TRPM3: variants seen among roughly 807,000 people sequenced by gnomAD.
The protein encoded by TRPM3 is long transient receptor potential channel 3.
In TRPM3, 77 loss-of-function variants were observed where a neutral mutation model predicts 181.2. The ratio of observed to expected loss-of-function variants is 0.42; its 90% confidence interval spans 0.35 to 0.51. The LOEUF (loss-of-function observed/expected upper bound fraction) is 0.51, where lower values mean the gene tolerates loss of function less well. Among genes scored for constraint, TRPM3 ranks in the 20% least tolerant of loss-of-function variants. The pLI is 0.01. For synonymous variants in TRPM3, 745 were observed against 796.4 expected (o/e 0.94, Z 1.09); for missense variants, 1,759 against 2,196.7 (o/e 0.80, Z 3.98).
intron 1 of TRPM3, among the ~76,000 whole-genome samples, chr9:70,884,518 G>T (rs1051781257): frequency 6.6e-6 from 1 of 152,184 alleles, no homozygotes; most frequent in South Asian, 2.1e-4. Context: ...TGTGTGTGTG[G>T]CATGTGGCAA....
At chr9:71,229,685 C>T (rs1182045952) in intron 1 of TRPM3, among the ~76,000 whole-genome samples, 4 of 152,114 alleles carry the variant, frequency 2.6e-5, no homozygotes, top group Non-Finnish European at 4.4e-5. Context: ...CGCAAACATG[C>T]TCAAGCTCAC....
intron 1 of TRPM3, among the ~76,000 whole-genome samples, chr9:71,296,553 A>G (rs1383279551): frequency 6.6e-6 from 1 of 152,176 alleles, no homozygotes; most frequent in Non-Finnish European, 1.5e-5. Flanking sequence ...GGTTGACCAA[A>G]GTACCATGAA....
At chr9:70,782,268 C>A (rs1463583351) in intron 7 of TRPM3, among the ~76,000 whole-genome samples, 6 of 151,010 alleles carry the variant, frequency 4.0e-5, no homozygotes, top group Non-Finnish European at 7.4e-5. Flanking sequence ...TACAATGGCA[C>A]AATCTTGGCT....
intron 1 of TRPM3, among the ~76,000 whole-genome samples, chr9:70,935,062 T>A (rs1272472860): frequency 6.6e-6 from 1 of 152,158 alleles, no homozygotes; most frequent in African/African-American, 2.4e-5. Flanking sequence ...TCATCTTCCA[T>A]CACTTCCCCA....
chr9:71,032,132 A>G (rs1565025512), intron 1 of TRPM3, among the ~76,000 whole-genome samples: 1 of 93,380 alleles, frequency 1.1e-5, no homozygotes, highest in Non-Finnish European at 2.1e-5. Context: ...TATTAACCTT[A>G]ATGGTGGATT....
intron 1 of TRPM3, among the ~76,000 whole-genome samples, chr9:71,239,455 T>C (rs1330964153): frequency 1.3e-5 from 2 of 152,200 alleles, no homozygotes; most frequent in African/African-American, 4.8e-5. Context: ...ATTATAACTC[T>C]CTCTGCCTGC....
intron 7 of TRPM3, among the ~76,000 whole-genome samples, chr9:70,762,911 C>T (rs2078404939): frequency 6.6e-6 from 1 of 152,132 alleles, no homozygotes; most frequent in Non-Finnish European, 1.5e-5. Context: ...CTCTTCATCA[C>T]TGTGGCTATT....
At chr9:70,859,175 C>T (rs938888726) in intron 3 of TRPM3, among the ~76,000 whole-genome samples, 1 of 152,206 alleles carries the variant, frequency 6.6e-6, no homozygotes, top group East Asian at 1.9e-4. Flanking sequence ...CCTGCAAGGA[C>T]CCTACATTTT....
intron 5 of TRPM3, among the ~76,000 whole-genome samples, chr9:70,831,278 A>G (rs2093878832): frequency 6.6e-6 from 1 of 152,148 alleles, no homozygotes; most frequent in African/African-American, 2.4e-5. Context: ...ATGCTTTCCA[A>G]ATTAAAAAAA....
At chr9:71,295,520 G>A (rs1258339648) in intron 1 of TRPM3, among the ~76,000 whole-genome samples, 1 of 149,330 alleles carries the variant, frequency 6.7e-6, no homozygotes, top group Non-Finnish European at 1.5e-5. Flanking sequence ...GTATGAACAT[G>A]TATCTAAAGT....
intron 1 of TRPM3, among the ~76,000 whole-genome samples, chr9:71,384,437 A>T (rs2092880220): frequency 6.6e-6 from 1 of 152,236 alleles, no homozygotes; most frequent in East Asian, 1.9e-4. Context: ...TTCTTCTAAA[A>T]TAACCCAATA....
chr9:71,120,804 C>G (rs181466115), intron 1 of TRPM3, among the ~76,000 whole-genome samples: 3 of 152,198 alleles, frequency 2.0e-5, no homozygotes, highest in Admixed American at 2.0e-4. Context: ...AAAGAAAAGC[C>G]CAGGAGCCAA....
chr9:70,847,729 T>C (rs998790515), intron 3 of TRPM3, among the ~76,000 whole-genome samples: 1 of 152,104 alleles, frequency 6.6e-6, no homozygotes, highest in African/African-American at 2.4e-5. Flanking sequence ...TGACTCTAGG[T>C]GGATGAGGAA....
At chr9:70,691,167 AT>A (rs1786793914) in intron 8 of TRPM3, among the ~76,000 whole-genome samples, 1 of 152,194 alleles carries the variant, frequency 6.6e-6, no homozygotes, top group Non-Finnish European at 1.5e-5. Flanking sequence ...TTCCATATAA[AT>A]TAAATATTGA....
In TRPM3 at chr9:70,972,502, TAA is replaced by T. The variant is rs1207836283; in HGVS notation, c.178-107993_178-107992del. On this transcript the variant is annotated intron_variant, in intron 1 of 25. Transcript: ENST00000677713. The stretch of plus-strand genomic sequence containing the variant: ...GAAATGGGGAATGACTGCTAATGGG[TAA>T]AGAGTTTCTTTTTGAAAGAATGAAA... Among the ~76,000 whole-genome samples the T allele has an allele frequency of 1.4e-4, 21 of 152,248 alleles. No individual in the cohort carries two copies. The East Asian group carries it at 3.5e-3, about 25-fold the overall frequency.
At chr9:71,446,218 G>C (rs529130963) in intron 1 of TRPM3, among the ~76,000 whole-genome samples, 2 of 152,182 alleles carry the variant, frequency 1.3e-5, no homozygotes, top group Non-Finnish European at 2.9e-5. Context: ...AAGAGCAAGT[G>C]CTAAGAGAGT....
chr9:71,244,671 C>T (rs1202322652), intron 1 of TRPM3, among the ~76,000 whole-genome samples: 1 of 152,132 alleles, frequency 6.6e-6, no homozygotes, highest in Non-Finnish European at 1.5e-5. Flanking sequence ...AAACATAAGC[C>T]AGACTATTTG....
chr9:71,259,126 T>C (rs962342879), intron 1 of TRPM3, among the ~76,000 whole-genome samples: 2 of 152,130 alleles, frequency 1.3e-5, no homozygotes, highest in East Asian at 1.9e-4. Context: ...CTCCCACTTA[T>C]GAGTGAGAAC....
chr9:70,901,168 A>G (rs2096380278), intron 1 of TRPM3, among the ~76,000 whole-genome samples: 1 of 152,238 alleles, frequency 6.6e-6, no homozygotes, highest in Non-Finnish European at 1.5e-5. Context: ...AATCAGGTAA[A>G]AATGCATACA....
Sources: gnomAD v4.1 joint callset for allele counts (sites outside exome capture counted in the v4.1 genomes callset) on GRCh38, gnomAD v4.1.1 for gene constraint, MANE v1.5 for transcripts, NCBI Gene and HGNC (gene_info 2026-07-23, HGNC 2026-07-21) for gene names.